Variants in MTHFD2L observed in about 807,000 individuals in gnomAD.
MTHFD2L encodes bifunctional methylenetetrahydrofolate dehydrogenase/cyclohydrolase 2, mitochondrial.
A neutral mutation model predicts 34.9 loss-of-function variants in MTHFD2L; 29 were observed. That is an observed-to-expected ratio of 0.83 (90% CI 0.62 to 1.13). The LOEUF (loss-of-function observed/expected upper bound fraction) is 1.13. MTHFD2L is among the 50% of genes most tolerant of loss of function. The pLI, the probability that MTHFD2L is intolerant of heterozygous loss-of-function variation, is 0.00. For missense variants in MTHFD2L, 481 were observed against 446.5 expected (o/e 1.08, Z -0.70); for synonymous variants, 167 against 155.7 (o/e 1.07, Z -0.54).
chr4:74,132,444 T>C (rs1442997302), intron 1 of MTHFD2L, among the ~76,000 whole-genome samples: 1 of 152,048 alleles, frequency 6.6e-6, no homozygotes, highest in Non-Finnish European at 1.5e-5. Flanking sequence ...TGCAGAGACA[T>C]GGGTGAAGCT....
In MTHFD2L at chr4:74,279,188, A is replaced by C. The variant is rs1747101262; in HGVS notation, c.806-2237A>C. Among the ~76,000 whole-genome samples, 5 of 152,232 alleles carry C rather than the reference A, an allele frequency of 3.3e-5. No homozygotes were observed. The South Asian group carries it at 1.0e-3, about 32-fold the overall frequency. ...GGTAATCCATACAATTAATTAGTTC[A>C]TATGGCTCCTAATTTTCAAATGAAA... is the stretch of plus-strand genomic sequence containing the variant. On this transcript the variant is annotated intron_variant, in intron 6 of 7. Transcript: ENST00000325278.
rs549682103 is a variant in MTHFD2L at position 74,285,678 on chromosome 4, T to A, written c.931+4128T>A. Among the ~76,000 whole-genome samples, 11 of 152,264 alleles carry A rather than the reference T, an allele frequency of 7.2e-5. No individual in the cohort carries two copies. The South Asian group carries it at 2.3e-3, about 32-fold the overall frequency. On this transcript the variant is annotated intron_variant, in intron 7 of 7. Transcript: ENST00000325278. The stretch of plus-strand genomic sequence containing the variant: ...TTTTAATGTTTTGACAAAAAATTTT[T>A]AAAGGTCACTAAACAAATATAATTT...
chr4:74,154,410 TACA>T (rs1453412491), upstream of MTHFD2L, among the ~76,000 whole-genome samples: 1 of 152,184 alleles, frequency 6.6e-6, no homozygotes, highest in East Asian at 1.9e-4. Flanking sequence ...GTGGAGTATC[TACA>T]TAAATTTTAG....
At chr4:74,244,291 T>C (rs60336088) in intron 6 of MTHFD2L, among the ~76,000 whole-genome samples, 3,133 of 152,126 alleles carry the variant, frequency 0.021, 89 homozygotes, top group African/African-American at 0.07. Flanking sequence ...CACTTGGGGG[T>C]AGAGATAGAA....
upstream of MTHFD2L, among the ~76,000 whole-genome samples, chr4:74,155,075 C>A (rs1341484896): frequency 6.6e-6 from 1 of 152,112 alleles, no homozygotes; most frequent in Non-Finnish European, 1.5e-5. Context: ...CATGTATAGT[C>A]ATATCAGAAT....
chr4:74,154,599 G>A (rs1724136061), upstream of MTHFD2L, among the ~76,000 whole-genome samples: 1 of 151,872 alleles, frequency 6.6e-6, no homozygotes, highest in South Asian at 2.1e-4. Context: ...CTTTCAGTTG[G>A]CTCCTGTCCC....
In MTHFD2L at chr4:74,175,290, G is replaced by C. The variant is rs761701871; in HGVS notation, c.338G>C (p.Ser113Thr). ...CCTGTTTTTCTTCTAGGTATTTGTA[G>C]TGAGCTCATTCTAAAACCTAAGGAT... ...IRAASAVGICSELILKPKDVS... is the reference protein window; with the variant it reads ...IRAASAVGICTELILKPKDVS... Residue 113 changes from serine (S) to threonine (T), a missense_variant, in exon 3 of 8, where the codon AGT becomes ACT. Transcript: ENST00000325278. The C allele has an allele frequency of 6.2e-6, 10 of 1,612,372 alleles. No homozygotes were observed. The highest frequency in any genetic ancestry group is 7.6e-6 in the Non-Finnish European group (9 of 1,179,118).
intron 6 of MTHFD2L, chr4:74,268,200 G>A: frequency 1.0e-6 from 1 of 982,386 alleles, no homozygotes; most frequent in Non-Finnish European, 1.2e-6. Flanking sequence ...TACTAATGTA[G>A]GCTCTATTTA....
intron 6 of MTHFD2L, among the ~76,000 whole-genome samples, chr4:74,227,111 C>G (rs1393449482): frequency 6.6e-6 from 1 of 152,242 alleles, no homozygotes; most frequent in Non-Finnish European, 1.5e-5. Flanking sequence ...ACACTGGCTC[C>G]CAGCAAGGTT....
chr4:74,119,041 T>C (rs990333425), upstream of MTHFD2L, among the ~76,000 whole-genome samples: 1 of 152,184 alleles, frequency 6.6e-6, no homozygotes, highest in Non-Finnish European at 1.5e-5. Context: ...CCAGAGACCA[T>C]AATAAATCAG....
intron 6 of MTHFD2L, among the ~76,000 whole-genome samples, chr4:74,275,308 A>G (rs1402965905): frequency 1.3e-5 from 2 of 152,106 alleles, no homozygotes; most frequent in African/African-American, 2.4e-5. Flanking sequence ...AGTATTCCAC[A>G]GTGTATATTT....
rs1306401328 is a variant in MTHFD2L, at chr4:74,302,138, T to C, written c.*329T>C. ...ACAATTAAATATTACATAGAGTATG[T>C]TTACAACAAATATCCTGTCAGCCAA... On this transcript the variant is annotated 3_prime_UTR_variant, in exon 8 of 8. Coordinates refer to ENST00000325278, the MANE Select transcript of MTHFD2L (RefSeq NM_001144978.3). The C allele has an allele frequency of 5.8e-6, 1 of 172,130 alleles. No homozygotes were observed. The highest frequency in any genetic ancestry group is 1.2e-5 in the Non-Finnish European group (1 of 81,628). The allele number at this position is 172,130 out of a possible 1,614,324, so 10.7% of individuals were successfully genotyped here.
At chr4:74,122,740 TTATC>T (rs1176041798), upstream of MTHFD2L, among the ~76,000 whole-genome samples, 1 of 152,202 alleles carries the variant, frequency 6.6e-6, no homozygotes, top group East Asian at 1.9e-4. Context: ...TGAAACAGTT[TTATC>T]TATCTATCCA....
chr4:74,135,295 TA>T (rs2109817142), intron 1 of MTHFD2L, among the ~76,000 whole-genome samples: 1 of 151,658 alleles, frequency 6.6e-6, no homozygotes, highest in Non-Finnish European at 1.5e-5. Flanking sequence ...CCCAAATAAA[TA>T]AAAGTAGGAA....
intron 5 of MTHFD2L, among the ~76,000 whole-genome samples, chr4:74,211,687 T>A (rs962969144): frequency 6.6e-6 from 1 of 152,218 alleles, no homozygotes; most frequent in Non-Finnish European, 1.5e-5. Context: ...ATCAGGATGA[T>A]GCTGGCCTCA....
At chr4:74,184,510 C>T (rs1386600833) in intron 3 of MTHFD2L, among the ~76,000 whole-genome samples, 1 of 151,970 alleles carries the variant, frequency 6.6e-6, no homozygotes, top group Non-Finnish European at 1.5e-5. Context: ...AAGAAAACTT[C>T]AAATTACATG....
At chr4:74,267,940 C>T in intron 6 of MTHFD2L, 1 of 985,274 alleles carries the variant, frequency 1.0e-6, no homozygotes, top group Non-Finnish European at 1.2e-6. Context: ...AGGAACCTAG[C>T]ACCATCCTGG....
chr4:74,211,820 T>C (rs1736375343), intron 5 of MTHFD2L, among the ~76,000 whole-genome samples: 1 of 152,046 alleles, frequency 6.6e-6, no homozygotes, highest in East Asian at 1.9e-4. Flanking sequence ...GTCCTGTTTT[T>C]TTTTTGGGTT....
chr4:74,158,626 T>G (rs114217812), intron 1 of MTHFD2L, among the ~76,000 whole-genome samples: 1,642 of 152,324 alleles, frequency 0.011, 28 homozygotes, highest in African/African-American at 0.038. Context: ...ACTTTGGTTA[T>G]TTTAGTGTTT....
Sources: allele counts gnomAD v4.1 joint callset (sites outside exome capture counted in the v4.1 genomes callset), GRCh38; gene constraint gnomAD v4.1.1; transcripts MANE v1.5; gene names NCBI Gene and HGNC (gene_info 2026-07-23, HGNC 2026-07-21).